Variants in FANCI observed in about 807,000 individuals in gnomAD.
FANCI encodes Fanconi anemia group I protein.
A neutral mutation model predicts 176.1 loss-of-function variants in FANCI; 156 were observed. The observed-to-expected ratio is 0.89, with a 90% CI of 0.78 to 1.01. The LOEUF is 1.01. Ranked by LOEUF, FANCI falls within the 50% of genes least tolerant of loss-of-function variation. FANCI has a pLI of 0.00. For synonymous variants in FANCI, 613 were observed against 541.7 expected (o/e 1.13, Z -1.83); for missense variants, 1,678 against 1,534.1 (o/e 1.09, Z -1.57).
intron 18 of FANCI, among the ~76,000 whole-genome samples, chr15:89,287,819 C>T (rs2053880227): frequency 1.3e-5 from 2 of 151,084 alleles, no homozygotes; most frequent in Non-Finnish European, 2.9e-5. Context: ...GTCAGTGGAA[C>T]CAGTCAGAAC....
chr15:89,265,605 C>T (rs1040866763), intron 9 of FANCI, among the ~76,000 whole-genome samples: 1 of 151,666 alleles, frequency 6.6e-6, no homozygotes, highest in African/African-American at 2.4e-5. Context: ...CTCAGTGCAA[C>T]CTCCACCTCC....
intron 12 of FANCI, among the ~76,000 whole-genome samples, chr15:89,276,272 C>T (rs1213580351): frequency 1.3e-5 from 2 of 152,142 alleles, no homozygotes; most frequent in African/African-American, 2.4e-5. Context: ...CTTTTATATG[C>T]CACCCTTGTG....
chr15:89,294,513 A>C (rs1465535619), intron 23 of FANCI, among the ~76,000 whole-genome samples: 1 of 152,162 alleles, frequency 6.6e-6, no homozygotes, highest in Non-Finnish European at 1.5e-5. Flanking sequence ...TGAACCCAGG[A>C]GGCAGAGGTT....
intron 14 of FANCI, 45 bp from the exon 15 acceptor site, chr15:89,281,125 A>C (rs2151548831): frequency 6.3e-7 from 1 of 1,598,150 alleles, no homozygotes. Context: ...TATTTCAGTT[A>C]TCTTTAGTTA....
intron 24 of FANCI, among the ~76,000 whole-genome samples, chr15:89,296,781 A>G (rs552894079): frequency 5.6e-4 from 81 of 144,032 alleles, no homozygotes; most frequent in Middle Eastern, 3.9e-3. Flanking sequence ...CTCACCTCCC[A>G]GACGGGGCGG....
In FANCI at chr15:89,281,849, TTTTC is replaced by T; in HGVS notation, c.1583+16_1583+19del. 1 of 1,612,012 alleles carries T rather than the reference TTTTC, an allele frequency of 6.2e-7. No homozygotes were observed. Among genetic ancestry groups the T allele is most frequent in the Non-Finnish European group, 8.5e-7 (1 of 1,178,400 alleles). On this transcript the variant is annotated intron_variant, in intron 16 of 37. Coordinates refer to ENST00000310775, the MANE Select transcript of FANCI (RefSeq NM_001113378.2). ...TATGTTTGCCAAGTATGTAGCATCT[TTTTC>T]TATCATAGGAAGACGTTGTCTTCTA... is the stretch of plus-strand genomic sequence containing the variant.
chr15:89,289,719 T>C (rs987580414), intron 18 of FANCI, among the ~76,000 whole-genome samples: 2 of 143,204 alleles, frequency 1.4e-5, no homozygotes, highest in Non-Finnish European at 3.1e-5. Flanking sequence ...CTCCCCAGGA[T>C]TTTTTTTTTT....
chr15:89,292,152 C>T (rs1043080260), intron 20 of FANCI, among the ~76,000 whole-genome samples: 5 of 152,162 alleles, frequency 3.3e-5, no homozygotes, highest in African/African-American at 1.2e-4. Context: ...CTGTTCTTAT[C>T]TAGCCTCAGA....
At chr15:89,304,601 C>G (rs947344169) in intron 28 of FANCI, among the ~76,000 whole-genome samples, 29 of 152,118 alleles carry the variant, frequency 1.9e-4, no homozygotes, top group African/African-American at 7.0e-4. Flanking sequence ...AAATGTCTGC[C>G]TTCTTTGGGC....
At chr15:89,271,753 G>A (rs1422079495) in intron 10 of FANCI, among the ~76,000 whole-genome samples, 1 of 152,184 alleles carries the variant, frequency 6.6e-6, no homozygotes, top group Non-Finnish European at 1.5e-5. Flanking sequence ...CTGAGTAGCT[G>A]GGATTACAGG....
chr15:89,314,477 G>T, intron 35 of FANCI, 135 bp from the exon 36 acceptor site: 1 of 615,098 alleles, frequency 1.6e-6, no homozygotes, highest in South Asian at 1.8e-5. Context: ...TTAGATTACT[G>T]GTATACAACT....
At chr15:89,266,637 G>A (rs1363037459) in intron 9 of FANCI, among the ~76,000 whole-genome samples, 2 of 150,178 alleles carry the variant, frequency 1.3e-5, no homozygotes, top group African/African-American at 2.5e-5. Context: ...CCCAAGCCTG[G>A]CTAATTTTAA....
chr15:89,305,656 A>T lies in FANCI; in HGVS notation c.3307A>T (p.Ile1103Phe). Residue 1103 changes from isoleucine to phenylalanine, a missense_variant, in exon 31 of 38, where the codon ATC becomes TTC. This residue lies in a region of FANCI where 1,204 missense variants were observed against 1,077.4 expected (regional missense o/e 1.12). Transcript: ENST00000310775. ...EKVLEEVDWLITKLKGQVSQE... is the reference protein window; with the variant it reads ...EKVLEEVDWLFTKLKGQVSQE... ...GGTTCTAGAAGAAGTGGACTGGCTA[A>T]TCACCAAGCTTAAGGGACAAGTGAG... The T allele has an allele frequency of 6.2e-7, 1 of 1,614,230 alleles. No homozygotes were observed. Among genetic ancestry groups the T allele is most frequent in the Non-Finnish European group, 8.5e-7 (1 of 1,180,042 alleles).
intron 18 of FANCI, among the ~76,000 whole-genome samples, chr15:89,288,717 C>T (rs1229919084): frequency 6.6e-6 from 1 of 151,354 alleles, no homozygotes; most frequent in Admixed American, 6.6e-5. Flanking sequence ...CTCCTAGGCT[C>T]AAATAATCCT....
intron 35 of FANCI, among the ~76,000 whole-genome samples, chr15:89,313,774 A>T (rs1328189542): frequency 6.6e-6 from 1 of 152,092 alleles, no homozygotes; most frequent in African/African-American, 2.4e-5. Context: ...GGACTGGCTA[A>T]ATAGGTTATA....
At chr15:89,284,086 C>T (rs1452839213) in intron 17 of FANCI, among the ~76,000 whole-genome samples, 5 of 152,046 alleles carry the variant, frequency 3.3e-5, no homozygotes, top group Non-Finnish European at 5.9e-5. Context: ...TTGGATAGCA[C>T]GGTGCTAGAT....
chr15:89,302,594 G>A (rs905116006), intron 27 of FANCI, among the ~76,000 whole-genome samples: 3 of 146,394 alleles, frequency 2.0e-5, no homozygotes, highest in African/African-American at 5.1e-5. Context: ...TTTTTTTTGA[G>A]ACAGAGTCTC....
In FANCI at chr15:89,249,326, T is replaced by G. The variant is rs2052132342; in HGVS notation, c.84+1595T>G. Among the ~76,000 whole-genome samples, 4 of 152,190 alleles carry G rather than the reference T, an allele frequency of 2.6e-5. No individual in the cohort carries two copies. The South Asian group carries it at 8.3e-4, about 31-fold the overall frequency. The stretch of plus-strand genomic sequence containing the variant: ...CAATCTGAAAAAAATCTTTAATTAT[T>G]TAACACAAATACTTAATACAGTATT... On this transcript the variant is annotated intron_variant, in intron 2 of 37. Coordinates refer to ENST00000310775, the MANE Select transcript of FANCI (RefSeq NM_001113378.2).
chr15:89,276,410 C>T (rs1213461504), intron 12 of FANCI, among the ~76,000 whole-genome samples: 2 of 152,182 alleles, frequency 1.3e-5, no homozygotes, highest in African/African-American at 4.8e-5. Flanking sequence ...ATAGAAGAGG[C>T]AGCAATGAAC....
Sources: gnomAD v4.1 joint callset for allele counts (sites outside exome capture counted in the v4.1 genomes callset) on GRCh38, gnomAD v4.1.1 for gene constraint, gnomAD v4.1.1 regional missense constraint, MANE v1.5 for transcripts, NCBI Gene and HGNC (gene_info 2026-07-23, HGNC 2026-07-21) for gene names.